APOBEC3D: variants seen among roughly 807,000 people sequenced by gnomAD.
APOBEC3D encodes DNA dC->dU-editing enzyme APOBEC-3D.
Under a neutral mutation model 45.6 loss-of-function variants are expected in APOBEC3D, and 37 were observed. The ratio of observed to expected loss-of-function variants is 0.81; its 90% CI spans 0.62 to 1.07. The LOEUF is 1.07. Among genes scored for constraint, APOBEC3D ranks in the 50% least tolerant of loss-of-function variants. The pLI, the probability that APOBEC3D is intolerant of heterozygous loss-of-function variation, is 0.00. For missense variants in APOBEC3D, 496 were observed against 495.3 expected (o/e 1.00, Z -0.01); for synonymous variants, 175 against 180.7 (o/e 0.97, Z 0.25).
intron 4 of APOBEC3D, among the ~76,000 whole-genome samples, chr22:39,026,304 T>C (rs1601463622): frequency 6.6e-6 from 1 of 152,288 alleles, no homozygotes; most frequent in Non-Finnish European, 1.5e-5. Context: ...GCACCTGCAC[T>C]CCTGGGGTCT....
intron 1 of APOBEC3D, 50 bp downstream of exon 1, chr22:39,021,586 G>T: frequency 1.2e-6 from 2 of 1,612,972 alleles, no homozygotes; most frequent in Non-Finnish European, 1.7e-6. Context: ...CTTCCTTCTG[G>T]TGGTCCTGCT....
chr22:39,021,647 T>A, intron 1 of APOBEC3D, 111 bp downstream of exon 1: 1 of 1,484,158 alleles, frequency 6.7e-7, no homozygotes. Context: ...TGGACTTCCT[T>A]CCCTCTGGCT....
At chr22:39,029,903 G>A (rs139570103) in intron 5 of APOBEC3D, among the ~76,000 whole-genome samples, 4,118 of 152,192 alleles carry the variant, frequency 0.027, no homozygotes, top group Non-Finnish European at 0.041. Context: ...GAGCCACCAC[G>A]CCCAACTTCC....
At position 39,032,528 on chromosome 22, in the gene APOBEC3D, C is replaced by CT. The variant is rs1726492194; in HGVS notation, c.*213dup. 1 of 1,319,862 alleles carries CT rather than the reference C, an allele frequency of 7.6e-7. No individual in the cohort carries two copies. The highest frequency in any genetic ancestry group is 1.5e-5 in the African/African-American group (1 of 67,264). 81.8% of individuals were successfully genotyped at this position (1,319,862 alleles called of 1,614,324 possible). A position where few individuals can be genotyped will look rare whatever the true frequency, so the allele number is the denominator to read the frequency against. ...AGGCTCTCCATCCACCTCCCCAGTCCTGTTCCCCCAGCCTGGGTGCCCCTA... is the reference window on the plus strand; with the variant it reads ...AGGCTCTCCATCCACCTCCCCAGTCCTTGTTCCCCCAGCCTGGGTGCCCCTA... On this transcript the variant is annotated 3_prime_UTR_variant, in exon 7 of 7. Coordinates refer to ENST00000216099, the MANE Select transcript of APOBEC3D (RefSeq NM_152426.4).
At chr22:39,023,065 G>T in intron 2 of APOBEC3D, 51 bp downstream of exon 2, 2 of 1,374,518 alleles carry the variant, frequency 1.5e-6, no homozygotes, top group Admixed American at 2.8e-5. Context: ...CTGGCGGCGG[G>T]CTCTCAACTG....
intron 2 of APOBEC3D, among the ~76,000 whole-genome samples, chr22:39,024,210 A>G (rs573711201): frequency 2.7e-4 from 41 of 152,348 alleles, no homozygotes; most frequent in African/African-American, 9.1e-4. Context: ...TCACACTGAA[A>G]TGAGTGGTGT....
chr22:39,027,734 C>G (rs954951623), intron 4 of APOBEC3D, among the ~76,000 whole-genome samples: 1 of 152,204 alleles, frequency 6.6e-6, no homozygotes, highest in Non-Finnish European at 1.5e-5. Context: ...CTCCCCCTGC[C>G]CCAGCCCTGG....
chr22:39,031,964 G>T lies in APOBEC3D; in HGVS notation c.1033G>T (p.Gly345Cys), dbSNP rs1441550836. The change falls in exon 6 of 7, where the codon GGC becomes TGC. Residue 345 changes from glycine to cysteine, a missense_variant. Transcript: ENST00000216099. ...GGAAGGGGCCTCCGTGAAGATCATG[G>T]GCTACAAAGGTGAGACGTGGGGGGC... ...SQEGASVKIM[G>C]YKDFVSCWKN... is the part of the protein sequence containing the mutation. The T allele has an allele frequency of 6.2e-7, 1 of 1,614,182 alleles. No homozygotes were observed. The highest frequency in any genetic ancestry group is 1.7e-5 in the Admixed American group (1 of 60,028).
At chr22:39,027,798 C>G (rs1267802790) in intron 4 of APOBEC3D, among the ~76,000 whole-genome samples, 1 of 152,158 alleles carries the variant, frequency 6.6e-6, no homozygotes. Context: ...GGCTCTTTGC[C>G]CTGCTATGTG....
rs752048767 is a variant in APOBEC3D at position 39,022,927 on chromosome 22, A to G, written c.123A>G (p.Ile41Met). The change falls in exon 2 of 7, where the codon ATA becomes ATG. Residue 41 changes from isoleucine to methionine, a missense_variant. By Grantham distance (10) the Ile-to-Met change is conservative (BLOSUM62 1). Transcript: ENST00000216099. ...SYTWLCYEVK[I>M]KRGRSNLLWD... ...CTTGGCTGTGCTATGAAGTGAAAAT[A>G]AAGAGGGGCCGCTCAAATCTCCTTT... 6.8e-6 allele frequency: 11 copies of G among 1,613,854 alleles called. No homozygotes were observed. The East Asian group carries it at 2.5e-4, about 36-fold the overall frequency.
intron 5 of APOBEC3D, 112 bp downstream of exon 5, chr22:39,029,631 A>T: frequency 4.8e-6 from 6 of 1,258,156 alleles, no homozygotes; most frequent in Non-Finnish European, 4.2e-6. Flanking sequence ...CTTTCCTCTT[A>T]CATTTCTTTC....
rs558274115 is a variant in APOBEC3D, at chr22:39,022,682, G to A, written c.18-140G>A. 277 of 1,136,370 alleles carry A rather than the reference G, an allele frequency of 2.4e-4. No homozygotes were observed. The African/African-American group carries it at 3.4e-3, about 14-fold the overall frequency. The allele number at this position is 1,136,370 out of a possible 1,614,324, so 70.4% of individuals were successfully genotyped here. A position where few individuals can be genotyped will look rare whatever the true frequency, so the allele number is the denominator to read the frequency against. Reference sequence around the variant, plus strand: ...CCTCTCCCCTCAGTCTTCCTGCCTGGGAAGGCAGCAGAAATTCTCAGGGCT... The same window carrying A: ...CCTCTCCCCTCAGTCTTCCTGCCTGAGAAGGCAGCAGAAATTCTCAGGGCT... On this transcript the variant is annotated intron_variant, in intron 1 of 6. Coordinates refer to ENST00000216099, the MANE Select transcript of APOBEC3D (RefSeq NM_152426.4).
In APOBEC3D at chr22:39,022,933, G is replaced by A. The variant is rs1925264853; in HGVS notation, c.129G>A (p.Arg43=). ...TWLCYEVKIK[R]GRSNLLWDTG... is the part of the protein sequence containing the mutation. ...TGTGCTATGAAGTGAAAATAAAGAG[G>A]GGCCGCTCAAATCTCCTTTGGGACA... Residue 43 remains arginine (R), a synonymous_variant, in exon 2 of 7, where the codon AGG becomes AGA. Transcript: ENST00000216099. 7 of 1,613,698 alleles carry A rather than the reference G, an allele frequency of 4.3e-6. No homozygotes were observed. The highest frequency in any genetic ancestry group is 5.1e-6 in the Non-Finnish European group (6 of 1,179,958).
In APOBEC3D at chr22:39,025,350, G is replaced by A. The variant is rs752971113; in HGVS notation, c.490+1G>A. 3.7e-6 allele frequency: 6 copies of A among 1,613,996 alleles called. No individual in the cohort carries two copies. In the East Asian group the frequency reaches 1.3e-4, roughly 36 times the overall value. On this transcript the variant is annotated splice_donor_variant, in intron 3 of 6. Transcript: ENST00000216099. LOFTEE classifies it high-confidence loss of function. Reference sequence around the variant, plus strand: ...CGTGTGAAGATCATGGACTATGAAGGTGAGAGGTGCAGGGGTCAGGGGAGC... The same window carrying A: ...CGTGTGAAGATCATGGACTATGAAGATGAGAGGTGCAGGGGTCAGGGGAGC...
chr22:39,029,499 A>AG lies in APOBEC3D; in HGVS notation c.746dup (p.Val250ArgfsTer9). On this transcript the variant is annotated frameshift_variant, in exon 5 of 7. Coordinates refer to ENST00000216099, the MANE Select transcript of APOBEC3D (RefSeq NM_152426.4). LOFTEE classifies it high-confidence loss of function. ...GCACCACTCAGCTGTCTTCCGGAAGAGGGGCGTCTTCCGAAACCAGGTAGC... is the reference window on the plus strand; with the variant it reads ...GCACCACTCAGCTGTCTTCCGGAAGAGGGGGCGTCTTCCGAAACCAGGTAGC... 3 of 1,614,190 alleles carry AG rather than the reference A, an allele frequency of 1.9e-6. No individual in the cohort carries two copies. The highest frequency in any genetic ancestry group is 2.5e-6 in the Non-Finnish European group (3 of 1,180,034).
Position 39,032,308 on chromosome 22 carries a change from C to T in APOBEC3D, c.1153C>T (p.Leu385Phe), listed in dbSNP as rs749545783. Reference sequence around the variant, plus strand: ...TCTGAAAAGAAGGCTACGGGAGATTCTCCAGTGAGGGGTCTCCCTGGGCCT... The same window carrying T: ...TCTGAAAAGAAGGCTACGGGAGATTTTCCAGTGAGGGGTCTCCCTGGGCCT... Reference protein sequence around the residue: ...RLLKRRLREILQ With the variant: ...RLLKRRLREIFQ Residue 385 changes from leucine (L) to phenylalanine (F), a missense_variant, in exon 7 of 7, where the codon CTC becomes TTC. Coordinates refer to ENST00000216099, the MANE Select transcript of APOBEC3D (RefSeq NM_152426.4). 4 of 1,614,126 alleles carry T rather than the reference C, an allele frequency of 2.5e-6. No homozygotes were observed. The highest frequency in any genetic ancestry group is 3.4e-6 in the Non-Finnish European group (4 of 1,179,974).
chr22:39,032,207 CTTG>C lies in APOBEC3D; in HGVS notation c.1056_1058del (p.Cys352del). On this transcript the variant is annotated inframe_deletion, in exon 7 of 7. Transcript: ENST00000216099. ...CTTGTTTTTTTCTCAGATTTTGTAT[CTTG>C]TTGGAAAAACTTTGTGTACAGTGAT... 6.2e-7 allele frequency: 1 copy of C among 1,613,932 alleles called. No homozygotes were observed. The highest frequency in any genetic ancestry group is 8.5e-7 in the Non-Finnish European group (1 of 1,179,930).
intron 5 of APOBEC3D, among the ~76,000 whole-genome samples, chr22:39,030,167 C>T (rs1171499357): frequency 1.3e-5 from 2 of 149,966 alleles, no homozygotes; most frequent in African/African-American, 2.5e-5. Flanking sequence ...GGGCCGCCCC[C>T]GCCACTGCCC....
rs1290996051 is a variant in APOBEC3D at position 39,022,809 on chromosome 22, C to T, written c.18-13C>T. On this transcript the variant is annotated splice_polypyrimidine_tract_variant and intron_variant, in intron 1 of 6. Coordinates refer to ENST00000216099, the MANE Select transcript of APOBEC3D (RefSeq NM_152426.4). ...GCTCCCTGCATGGGCCGGTTTCTCT[C>T]TTGTGCCTTCAGAAATCCGATGGAG... The T allele has an allele frequency of 6.2e-7, 1 of 1,600,848 alleles. No homozygotes were observed. The highest frequency in any genetic ancestry group is 8.5e-7 in the Non-Finnish European group (1 of 1,174,522).
Sources: allele counts gnomAD v4.1 joint callset (sites outside exome capture counted in the v4.1 genomes callset), GRCh38; gene constraint gnomAD v4.1.1; transcripts MANE v1.5; gene names NCBI Gene and HGNC (gene_info 2026-07-23, HGNC 2026-07-21).